Variants in ANKS1B observed in about 807,000 individuals in gnomAD.
ANKS1B encodes the protein ankyrin repeat and sterile alpha motif domain containing 1B.
In ANKS1B, 36 loss-of-function variants were observed where a neutral mutation model predicts 148.3. That is an observed-to-expected ratio of 0.24 (90% CI 0.19 to 0.32). The LOEUF (loss-of-function observed/expected upper bound fraction) is 0.32. Among genes scored for constraint, ANKS1B ranks in the 10% least tolerant of loss-of-function variants. The probability of loss-of-function intolerance (pLI) is 1.00; values close to 1 mark genes in which losing one functional copy is unlikely to be tolerated. For missense variants in ANKS1B, 1,157 were observed against 1,542.6 expected (o/e 0.75, Z 4.19); for synonymous variants, 542 against 560.8 (o/e 0.97, Z 0.47).
chr12:99,379,929 C>T (rs182267184), intron 12 of ANKS1B, among the ~76,000 whole-genome samples: 2 of 152,266 alleles, frequency 1.3e-5, no homozygotes, highest in Non-Finnish European at 2.9e-5. Flanking sequence ...CAAAATAGAG[C>T]AAAATATCAA....
intron 1 of ANKS1B, among the ~76,000 whole-genome samples, chr12:99,874,816 T>C (rs969121786): frequency 2.6e-5 from 4 of 152,164 alleles, no homozygotes; most frequent in African/African-American, 4.8e-5. Flanking sequence ...TTCAATAAAA[T>C]GGTAAAGATA....
intron 12 of ANKS1B, among the ~76,000 whole-genome samples, chr12:99,383,293 G>A (rs994416900): frequency 2.0e-5 from 3 of 152,164 alleles, no homozygotes; most frequent in African/African-American, 7.2e-5. Flanking sequence ...GCAGAAAAGA[G>A]CCACATTTCA....
intron 9 of ANKS1B, among the ~76,000 whole-genome samples, chr12:99,586,403 C>T (rs190826074): frequency 1.3e-5 from 2 of 152,322 alleles, no homozygotes; most frequent in Admixed American, 6.5e-5. Context: ...ATATCATTAT[C>T]AGCATTTTGG....
intron 17 of ANKS1B, among the ~76,000 whole-genome samples, chr12:98,888,611 C>G (rs1041596880): frequency 1.3e-5 from 2 of 152,228 alleles, no homozygotes; most frequent in African/African-American, 2.4e-5. Context: ...CTCTGTCCCC[C>G]ACACACTGCA....
chr12:98,810,522 G>C, intron 19 of ANKS1B, among the ~76,000 whole-genome samples: 1 of 152,204 alleles, frequency 6.6e-6, no homozygotes, highest in Non-Finnish European at 1.5e-5. Flanking sequence ...TTCCCAGCCT[G>C]CGGGATGGCC....
intron 11 of ANKS1B, among the ~76,000 whole-genome samples, chr12:99,419,460 T>C (rs1463504210): frequency 6.6e-6 from 1 of 152,230 alleles, no homozygotes; most frequent in Non-Finnish European, 1.5e-5. Context: ...CCTATTTTAT[T>C]CCTGATATAG....
intron 17 of ANKS1B, among the ~76,000 whole-genome samples, chr12:98,922,623 C>T (rs1235629884): frequency 2.6e-5 from 4 of 152,050 alleles, no homozygotes; most frequent in Admixed American, 6.6e-5. Context: ...CTCAGCCTCC[C>T]GAGTAGCTGG....
intron 17 of ANKS1B, among the ~76,000 whole-genome samples, chr12:98,899,998 A>G (rs886170708): frequency 6.6e-6 from 1 of 152,194 alleles, no homozygotes; most frequent in Non-Finnish European, 1.5e-5. Context: ...AACAAGGGAA[A>G]AGTGCCAATG....
intron 10 of ANKS1B, among the ~76,000 whole-genome samples, chr12:99,463,637 T>C (rs191349170): frequency 1.3e-3 from 195 of 152,312 alleles, no homozygotes; most frequent in Non-Finnish European, 2.3e-3. Flanking sequence ...CAGGAGATTA[T>C]ATCCTGTGCA....
At chr12:99,481,879 T>A (rs2096416049) in intron 10 of ANKS1B, among the ~76,000 whole-genome samples, 1 of 146,404 alleles carries the variant, frequency 6.8e-6, no homozygotes, top group Non-Finnish European at 1.6e-5. Flanking sequence ...TATTTGCGGG[T>A]TTTTTGTTTT....
chr12:99,516,330 T>A (rs2096820916), intron 9 of ANKS1B, among the ~76,000 whole-genome samples: 1 of 152,120 alleles, frequency 6.6e-6, no homozygotes, highest in South Asian at 2.1e-4. Flanking sequence ...GATATTTGTA[T>A]ATGGGGAGAG....
chr12:99,914,994 G>A (rs1190771524), intron 1 of ANKS1B, among the ~76,000 whole-genome samples: 2 of 152,060 alleles, frequency 1.3e-5, no homozygotes, highest in African/African-American at 4.8e-5. Flanking sequence ...GGTAGGCTGA[G>A]GCGGGTGGAT....
chr12:99,464,782 T>G (rs1207979698), intron 10 of ANKS1B, among the ~76,000 whole-genome samples: 1 of 152,074 alleles, frequency 6.6e-6, no homozygotes, highest in African/African-American at 2.4e-5. Context: ...CCAAGAAATA[T>G]GGGACTATGT....
intron 9 of ANKS1B, among the ~76,000 whole-genome samples, chr12:99,612,062 A>G (rs1297086823): frequency 2.0e-5 from 3 of 152,046 alleles, no homozygotes; most frequent in Admixed American, 2.0e-4. Flanking sequence ...CAAAATTGTC[A>G]GTTAAAAAAT....
intron 17 of ANKS1B, among the ~76,000 whole-genome samples, chr12:99,041,531 A>T (rs904785680): frequency 1.3e-5 from 2 of 152,006 alleles, no homozygotes; most frequent in African/African-American, 4.8e-5. Flanking sequence ...AGTTTTCCAT[A>T]CATTTAGGCC....
intron 1 of ANKS1B, among the ~76,000 whole-genome samples, chr12:99,873,218 T>A (rs1421419117): frequency 6.6e-6 from 1 of 152,206 alleles, no homozygotes; most frequent in Non-Finnish European, 1.5e-5. Context: ...AACACTAAAT[T>A]GCTGATTACA....
rs2097846330 is a variant in ANKS1B, at chr12:98,744,773, A to C, written c.*966T>G. 1 of 984,576 alleles carries C rather than the reference A, an allele frequency of 1.0e-6. No individual in the cohort carries two copies. The highest frequency in any genetic ancestry group is 1.2e-6 in the Non-Finnish European group (1 of 829,612). 61.0% of individuals were successfully genotyped at this position (984,576 alleles called of 1,614,324 possible). A position where few individuals can be genotyped will look rare whatever the true frequency, so the allele number is the denominator to read the frequency against. On this transcript the variant is annotated 3_prime_UTR_variant, in exon 27 of 27. Transcript: ENST00000683438. The stretch of plus-strand genomic sequence containing the variant: ...CTCAAACAAGGTTTCCATGACAGAA[A>C]TCTTGACAGCAGGAGCACTAGATTT...
At chr12:99,269,443 T>C (rs2076789183) in intron 12 of ANKS1B, among the ~76,000 whole-genome samples, 1 of 152,074 alleles carries the variant, frequency 6.6e-6, no homozygotes, top group South Asian at 2.1e-4. Context: ...ATGTTTAGCA[T>C]AAAATTGCAT....
intron 12 of ANKS1B, among the ~76,000 whole-genome samples, chr12:99,359,364 C>A (rs1229026991): frequency 6.6e-6 from 1 of 152,012 alleles, no homozygotes; most frequent in East Asian, 1.9e-4. Context: ...TAGTTTCATA[C>A]TCATTATTCT....
Sources: gnomAD v4.1 joint callset for allele counts (sites outside exome capture counted in the v4.1 genomes callset) on GRCh38, gnomAD v4.1.1 for gene constraint, MANE v1.5 for transcripts, NCBI Gene and HGNC (gene_info 2026-07-23, HGNC 2026-07-21) for gene names.